Variants in PNPT1 observed in about 807,000 individuals in gnomAD.
PNPT1 encodes the protein polyribonucleotide nucleotidyltransferase 1, mitochondrial.
A neutral mutation model predicts 119.5 loss-of-function variants in PNPT1; 53 were observed. That is an observed-to-expected ratio of 0.44 (90% CI 0.36 to 0.56). The LOEUF is 0.56. PNPT1 is among the 20% of genes least tolerant of loss of function. The pLI, the probability that PNPT1 is intolerant of heterozygous loss-of-function variation, is 0.00. For synonymous variants in PNPT1, 357 were observed against 322.1 expected, an observed-to-expected ratio of 1.11 and a Z score of -1.16; for missense variants, 948 against 938.5, an observed-to-expected ratio of 1.01 and a Z score of -0.13.
chr2:55,642,039 AC>A (rs1208395402), intron 25 of PNPT1, among the ~76,000 whole-genome samples: 1 of 151,926 alleles, frequency 6.6e-6, no homozygotes, highest in Non-Finnish European at 1.5e-5. Context: ...ATGGGGTTTC[AC>A]CATGTTGGTC....
rs146111948 is a variant in PNPT1 at position 55,660,190 on chromosome 2, C to T, written c.1251G>A (p.Gly417=). 6.4e-3 allele frequency: 10,089 copies of T among 1,588,084 alleles called. 50 individuals are homozygous for T. The highest frequency in any genetic ancestry group is 7.6e-3 in the Non-Finnish European group (8,828 of 1,167,302). The change falls in exon 15 of 28, where the codon GGG becomes GGA. Residue 417 remains glycine, a synonymous_variant. Transcript: ENST00000447944. The part of the protein sequence containing the change: ...KSDQVITAIN[G]IKDKNFMLHY... ...GCAGCATGAAATTTTTATCTTTTAT[C>T]CCACTAAAAATAAAAGGCATAATAT... is the stretch of plus-strand genomic sequence containing the variant.
At chr2:55,665,694 G>A (rs890717239) in intron 13 of PNPT1, among the ~76,000 whole-genome samples, 1 of 152,208 alleles carries the variant, frequency 6.6e-6, no homozygotes, top group Admixed American at 6.5e-5. Context: ...CCCAGGGCAT[G>A]GTTTATGCAG....
chr2:55,687,044 C>G (rs1293113991), intron 2 of PNPT1, among the ~76,000 whole-genome samples: 2 of 151,954 alleles, frequency 1.3e-5, no homozygotes, highest in African/African-American at 4.8e-5. Context: ...GAAACCTCGA[C>G]TCTACTAAAA....
chr2:55,663,266 AAT>A (rs1491072779), intron 13 of PNPT1, among the ~76,000 whole-genome samples: 4 of 152,356 alleles, frequency 2.6e-5, no homozygotes, highest in African/African-American at 9.6e-5. Context: ...TGAAAACTTT[AAT>A]ATCTCATAAT....
chr2:55,667,683 G>C (rs1015828543), intron 12 of PNPT1, among the ~76,000 whole-genome samples, 179 bp downstream of exon 12: 3 of 151,916 alleles, frequency 2.0e-5, no homozygotes, highest in African/African-American at 7.2e-5. Flanking sequence ...CCAGGCCCAA[G>C]ACAGATGGTC....
chr2:55,644,836 T>C, intron 22 of PNPT1, 116 bp from the exon 23 acceptor site: 1 of 543,306 alleles, frequency 1.8e-6, no homozygotes, highest in Admixed American at 3.6e-5. Context: ...TAAAAATATT[T>C]TACTATAAAA....
intron 14 of PNPT1, among the ~76,000 whole-genome samples, chr2:55,660,876 C>G (rs750238962): frequency 6.6e-6 from 1 of 152,020 alleles, no homozygotes; most frequent in Admixed American, 6.6e-5. Flanking sequence ...GCTGCACTGT[C>G]GATTCTATCA....
chr2:55,676,848 A>G (rs1322929030), intron 8 of PNPT1, among the ~76,000 whole-genome samples: 1 of 151,264 alleles, frequency 6.6e-6, no homozygotes, highest in Non-Finnish European at 1.5e-5. Flanking sequence ...GGCAACAGAG[A>G]GAGACCTGGT....
intron 10 of PNPT1, 22 bp from the exon 11 acceptor site, chr2:55,671,398 G>A (rs746448276): frequency 1.4e-6 from 2 of 1,426,956 alleles, no homozygotes. Context: ...TTGAGGTTCA[G>A]TTATTACATA....
chr2:55,682,121 C>T (rs1485283227), intron 5 of PNPT1, among the ~76,000 whole-genome samples: 21 of 149,358 alleles, frequency 1.4e-4, no homozygotes, highest in African/African-American at 4.4e-4. Flanking sequence ...CCAGCCTGGT[C>T]GACAGAGCGA....
chr2:55,671,474 T>C (rs1486238329), intron 10 of PNPT1, 98 bp from the exon 11 acceptor site: 4 of 661,854 alleles, frequency 6.0e-6, no homozygotes, highest in South Asian at 5.8e-5. Context: ...TGAATTACTC[T>C]GATTTCTTTA....
Position 55,693,789 on chromosome 2 carries a change from C to G in PNPT1, c.35G>C (p.Arg12Pro). 1 of 1,613,988 alleles carries G rather than the reference C, an allele frequency of 6.2e-7. No individual in the cohort carries two copies. The highest frequency in any genetic ancestry group is 8.5e-7 in the Non-Finnish European group (1 of 1,180,044). The change falls in exon 1 of 28, where the codon CGG becomes CCG. Residue 12 changes from arginine to proline, a missense_variant. By Grantham distance (103) the Arg-to-Pro change is moderately radical. Transcript: ENST00000447944. ...AACRYCCSCL[R>P]LRPLSDGPFL... is the part of the protein sequence containing the mutation. ...AGGACCATCGCTCAGGGGCCGGAGC[C>G]GGAGGCACGAGCAGCAGTACCTGCA...
intron 18 of PNPT1, among the ~76,000 whole-genome samples, chr2:55,653,680 TTA>T (rs1436021091): frequency 2.6e-5 from 4 of 152,204 alleles, no homozygotes; most frequent in Admixed American, 6.5e-5. Context: ...AAATATCAGA[TTA>T]TGTTTTCCTT....
chr2:55,661,806 T>G, intron 14 of PNPT1, 150 bp downstream of exon 14: 1 of 687,800 alleles, frequency 1.5e-6, no homozygotes, highest in South Asian at 3.1e-5. Flanking sequence ...ACACACAAAA[T>G]CCTTTGAAAT....
chr2:55,651,881 A>G (rs1278819857), intron 18 of PNPT1, among the ~76,000 whole-genome samples: 1 of 99,874 alleles, frequency 1.0e-5, no homozygotes. Context: ...ATAAAAAGGA[A>G]AGTCAAAAAA....
At position 55,646,502 on chromosome 2, in the gene PNPT1, A is replaced by C; in HGVS notation, c.1603-16T>G. ...CTTCAATTCCCTTCAGGAATTTAAA[A>C]AGTTATGACATAGTTTTAAACAAAA... is the stretch of plus-strand genomic sequence containing the variant. On this transcript the variant is annotated splice_polypyrimidine_tract_variant and intron_variant, in intron 19 of 27. Transcript: ENST00000447944. 3.8e-6 allele frequency: 6 copies of C among 1,586,586 alleles called. No homozygotes were observed. Among genetic ancestry groups the C allele is most frequent in the Non-Finnish European group, 5.1e-6 (6 of 1,167,012 alleles).
At chr2:55,636,535 G>A (rs887339508) in intron 27 of PNPT1, 143 bp from the exon 28 acceptor site, 1 of 802,704 alleles carries the variant, frequency 1.2e-6, no homozygotes, top group South Asian at 1.9e-5. Context: ...GTGCTAAGTG[G>A]ACGTATACAC....
chr2:55,634,549 T>G lies in PNPT1; in HGVS notation c.*1688A>C, dbSNP rs1695606362. 6.8e-6 allele frequency: 1 copy of G among 147,788 alleles called. No homozygotes were observed. Among genetic ancestry groups the G allele is most frequent in the South Asian group, 2.2e-4 (1 of 4,648 alleles). 9.2% of individuals were successfully genotyped at this position (147,788 alleles called of 1,614,324 possible). A position where few individuals can be genotyped will look rare whatever the true frequency, so the allele number is the denominator to read the frequency against. ...AGTGCTGGAATTACAGGCATGAGCT[T>G]CTGTGCCCACCATTTTTTTTTTTGA... On this transcript the variant is annotated 3_prime_UTR_variant, in exon 28 of 28. Transcript: ENST00000447944.
chr2:55,691,226 C>G (rs1697589883), intron 1 of PNPT1, among the ~76,000 whole-genome samples: 1 of 152,188 alleles, frequency 6.6e-6, no homozygotes, highest in South Asian at 2.1e-4. Flanking sequence ...GTTGAATATC[C>G]TCAGTGATTT....
Sources: allele counts gnomAD v4.1 joint callset (sites outside exome capture counted in the v4.1 genomes callset), GRCh38; gene constraint gnomAD v4.1.1; transcripts MANE v1.5; gene names NCBI Gene and HGNC (gene_info 2026-07-23, HGNC 2026-07-21).